The following TTLL5 variants were observed in gnomAD, a reference collection of about 807,000 sequenced individuals.
The protein encoded by TTLL5 is tubulin tyrosine ligase like 5, also known as tubulin polyglutamylase TTLL5.
In TTLL5, 132 loss-of-function variants were observed where a neutral mutation model predicts 168.4. The observed-to-expected ratio is 0.78, with a 90% CI of 0.68 to 0.91. The LOEUF is 0.91. TTLL5 is among the 40% of genes least tolerant of loss of function. TTLL5 has a pLI of 0.00. For synonymous variants in TTLL5, 546 were observed against 558.6 expected (o/e 0.98, Z 0.32); for missense variants, 1,545 against 1,581.5 (o/e 0.98, Z 0.39).
At chr14:75,930,187 G>T (rs1438326400) in intron 31 of TTLL5, among the ~76,000 whole-genome samples, 1 of 152,076 alleles carries the variant, frequency 6.6e-6, no homozygotes, top group African/African-American at 2.4e-5. Flanking sequence ...ACAATACTAG[G>T]TGCATGTAAA....
chr14:75,891,615 T>A (rs571980540), intron 30 of TTLL5, among the ~76,000 whole-genome samples: 1 of 152,264 alleles, frequency 6.6e-6, no homozygotes, highest in South Asian at 2.1e-4. Flanking sequence ...GCAGTGGTGA[T>A]GGTGGAGATG....
intron 31 of TTLL5, among the ~76,000 whole-genome samples, chr14:75,908,592 C>G (rs2033242056): frequency 6.6e-6 from 1 of 152,094 alleles, no homozygotes; most frequent in Non-Finnish European, 1.5e-5. Context: ...CGTCAGTTGT[C>G]CTTATCAGAG....
chr14:75,747,442 AC>A (rs1889683179), intron 17 of TTLL5, among the ~76,000 whole-genome samples: 1 of 151,422 alleles, frequency 6.6e-6, no homozygotes, highest in African/African-American at 2.4e-5. Context: ...TTGTTTCTTC[AC>A]ATGTACAGTA....
chr14:75,801,415 A>G (rs1339780430), intron 27 of TTLL5, among the ~76,000 whole-genome samples: 1 of 152,194 alleles, frequency 6.6e-6, no homozygotes, highest in Non-Finnish European at 1.5e-5. Context: ...TGTTGATCAT[A>G]TCAGGGTAAA....
chr14:75,785,176 CTTT>C (rs903930146), intron 26 of TTLL5, among the ~76,000 whole-genome samples: 6 of 102,554 alleles, frequency 5.9e-5, no homozygotes, highest in East Asian at 3.1e-4. Context: ...AGATTTCCTC[CTTT>C]TTTTTTTTTT....
intron 31 of TTLL5, among the ~76,000 whole-genome samples, chr14:75,923,257 G>T (rs1222597987): frequency 3.3e-5 from 5 of 152,046 alleles, no homozygotes; most frequent in Non-Finnish European, 4.4e-5. Flanking sequence ...ACTAGCTTTT[G>T]CATTTGTTTG....
chr14:75,907,238 T>G (rs1480045444), intron 31 of TTLL5, among the ~76,000 whole-genome samples: 1 of 152,220 alleles, frequency 6.6e-6, no homozygotes, highest in African/African-American at 2.4e-5. Context: ...AAACAAACTG[T>G]AAACCTCATC....
intron 18 of TTLL5, among the ~76,000 whole-genome samples, chr14:75,753,589 C>T (rs534899629): frequency 3.3e-5 from 5 of 152,122 alleles, no homozygotes; most frequent in African/African-American, 9.7e-5. Context: ...GATATATGTA[C>T]GTTTTTGAAG....
intron 12 of TTLL5, among the ~76,000 whole-genome samples, chr14:75,722,039 A>G (rs746215826): frequency 7.9e-5 from 12 of 152,348 alleles, no homozygotes; most frequent in South Asian, 6.2e-4. Flanking sequence ...AAAGGCTTCT[A>G]AGGTAACTCA....
chr14:75,746,440 G>A (rs537046678), intron 17 of TTLL5, among the ~76,000 whole-genome samples: 7 of 151,792 alleles, frequency 4.6e-5, no homozygotes, highest in Admixed American at 2.0e-4. Context: ...TCAGGCTTGC[G>A]TTTTTCTGAT....
Position 75,760,163 on chromosome 14 carries a change from G to A in TTLL5, c.1551-4452G>A, listed in dbSNP as rs1168457407. On this transcript the variant is annotated intron_variant, in intron 18 of 31. Coordinates refer to ENST00000298832, the MANE Select transcript of TTLL5 (RefSeq NM_015072.5). ...TAGCAAGGTCTTAGGATACAAGATC[G>A]ACATACTAAAATCGATTGTATCTTA... Among the ~76,000 whole-genome samples, 4 of 151,926 alleles carry A rather than the reference G, an allele frequency of 2.6e-5. No homozygotes were observed. The South Asian group carries it at 6.2e-4, about 24-fold the overall frequency.
At chr14:75,935,293 T>C (rs1362225766) in intron 31 of TTLL5, among the ~76,000 whole-genome samples, 1 of 152,250 alleles carries the variant, frequency 6.6e-6, no homozygotes, top group Non-Finnish European at 1.5e-5. Flanking sequence ...GATGCTAATA[T>C]GAGGGGAGAT....
chr14:75,801,692 A>G (rs1595063807), intron 27 of TTLL5, among the ~76,000 whole-genome samples: 1 of 152,308 alleles, frequency 6.6e-6, no homozygotes, highest in East Asian at 1.9e-4. Flanking sequence ...TTAATTTGGA[A>G]TTTGGAAAAT....
Position 75,943,241 on chromosome 14 carries a change from T to C in TTLL5, c.3824-11183T>C, listed in dbSNP as rs559956299. On this transcript the variant is annotated intron_variant, in intron 31 of 31. Coordinates refer to ENST00000298832, the MANE Select transcript of TTLL5 (RefSeq NM_015072.5). The stretch of plus-strand genomic sequence containing the variant: ...AGGAGTTAGGATTGAAGTGACTCTG[T>C]ACCCGAATTATGGCAGGATGTAAGG... 2.0e-5 allele frequency among the ~76,000 whole-genome samples: 3 copies of C among 152,272 alleles called. No individual in the cohort carries two copies. The East Asian group carries it at 5.8e-4, about 29-fold the overall frequency.
At chr14:75,816,971 C>CTTCTTTT (rs1388428211) in intron 27 of TTLL5, among the ~76,000 whole-genome samples, 1 of 101,532 alleles carries the variant, frequency 9.8e-6, no homozygotes, top group African/African-American at 3.7e-5. Flanking sequence ...TCTTCCCTGT[C>CTTCTTTT]TTATTTTTTT....
intron 13 of TTLL5, 60 bp downstream of exon 13, chr14:75,732,479 T>G: frequency 6.9e-7 from 1 of 1,459,360 alleles, no homozygotes; most frequent in Non-Finnish European, 9.5e-7. Context: ...AAAGCACTTT[T>G]TTTTTTTTGA....
intron 7 of TTLL5, among the ~76,000 whole-genome samples, chr14:75,706,349 A>G (rs1886659598): frequency 6.6e-6 from 1 of 152,246 alleles, no homozygotes; most frequent in Non-Finnish European, 1.5e-5. Context: ...TAAATCTGCC[A>G]GGCAGAGATT....
chr14:75,938,458 A>C (rs924288651), intron 31 of TTLL5, among the ~76,000 whole-genome samples: 1 of 152,388 alleles, frequency 6.6e-6, no homozygotes, highest in East Asian at 1.9e-4. Context: ...ATGATCAGTG[A>C]GCTCAGATGC....
intron 6 of TTLL5, 123 bp from the exon 7 acceptor site, chr14:75,699,065 A>C (rs1192040567): frequency 1.3e-6 from 1 of 796,892 alleles, no homozygotes; most frequent in Non-Finnish European, 2.1e-6. Context: ...CCCAACACTT[A>C]GAAATTTGTA....
Sources: allele counts gnomAD v4.1 joint callset (sites outside exome capture counted in the v4.1 genomes callset), GRCh38; gene constraint gnomAD v4.1.1; transcripts MANE v1.5; gene names NCBI Gene and HGNC (gene_info 2026-07-23, HGNC 2026-07-21).